The following ADAMTSL3 variants were observed in gnomAD, a reference collection of about 807,000 sequenced individuals.
The protein encoded by ADAMTSL3 is ADAMTS like 3, also known as ADAMTS-like protein 3.
Under a neutral mutation model 201.7 loss-of-function variants are expected in ADAMTSL3, and 128 were observed. The observed-to-expected ratio is 0.63, with a 90% CI of 0.55 to 0.73. The LOEUF (loss-of-function observed/expected upper bound fraction) is 0.73, where lower values mean the gene tolerates loss of function less well. Ranked by LOEUF, ADAMTSL3 falls within the 30% of genes least tolerant of loss-of-function variation. The pLI is 0.00. For synonymous variants in ADAMTSL3, 738 were observed against 748.4 expected, an observed-to-expected ratio of 0.99 and a Z score of 0.23; for missense variants, 1,990 against 2,119.6, an observed-to-expected ratio of 0.94 and a Z score of 1.20.
chr15:83,795,845 G>A (rs755746775), intron 4 of ADAMTSL3, among the ~76,000 whole-genome samples: 6 of 152,062 alleles, frequency 3.9e-5, no homozygotes, highest in Non-Finnish European at 2.9e-5. Flanking sequence ...GCCACCAACC[G>A]GCTGCATAGG....
intron 19 of ADAMTSL3, among the ~76,000 whole-genome samples, chr15:83,943,965 G>T (rs186182994): frequency 1.5e-4 from 23 of 151,164 alleles, no homozygotes; most frequent in Admixed American, 2.6e-4. Flanking sequence ...TATATCCTAT[G>T]TTTTTTTTTA....
rs1378467858 is a variant in ADAMTSL3, at chr15:83,897,765, T to G, written c.1468-93T>G. Reference sequence around the variant, plus strand: ...AAAAGTCTTTTGTGTTTAACATTTATGTAGTTCAATGGCTCTCCTTTGCAT... The same window carrying G: ...AAAAGTCTTTTGTGTTTAACATTTAGGTAGTTCAATGGCTCTCCTTTGCAT... On this transcript the variant is annotated intron_variant, in intron 13 of 29. Coordinates refer to ENST00000286744, the MANE Select transcript of ADAMTSL3 (RefSeq NM_207517.3). The G allele has an allele frequency of 7.3e-6, 10 of 1,376,518 alleles. No individual in the cohort carries two copies. In the African/African-American group the frequency reaches 1.4e-4, roughly 20 times the overall value. 85.3% of individuals were successfully genotyped at this position (1,376,518 alleles called of 1,614,324 possible). A position where few individuals can be genotyped will look rare whatever the true frequency, so the allele number is the denominator to read the frequency against.
At chr15:84,014,828 G>T in intron 24 of ADAMTSL3, 104 bp downstream of exon 24, 1 of 1,210,270 alleles carries the variant, frequency 8.3e-7, no homozygotes, top group African/African-American at 1.6e-5. Flanking sequence ...ATGGACATCA[G>T]ATGGTTTTAA....
At chr15:83,897,279 T>A (rs1240633597) in intron 13 of ADAMTSL3, among the ~76,000 whole-genome samples, 1 of 151,368 alleles carries the variant, frequency 6.6e-6, no homozygotes, top group Non-Finnish European at 1.5e-5. Flanking sequence ...TAGCATAATG[T>A]TTTTATTAAC....
At position 83,810,180 on chromosome 15, in the gene ADAMTSL3, G is replaced by A. The variant is rs1439403764; in HGVS notation, c.363+5485G>A. 2.0e-5 allele frequency among the ~76,000 whole-genome samples: 3 copies of A among 152,256 alleles called. No homozygotes were observed. The South Asian group carries it at 6.2e-4, about 32-fold the overall frequency. Reference sequence around the variant, plus strand: ...AGAAGTAACCAGATTTTTATCAACCGAGTCCTCAGAGGGATTTTGGAGCAC... The same window carrying A: ...AGAAGTAACCAGATTTTTATCAACCAAGTCCTCAGAGGGATTTTGGAGCAC... On this transcript the variant is annotated intron_variant, in intron 5 of 29. Transcript: ENST00000286744.
chr15:83,873,634 C>T (rs2065122733), intron 9 of ADAMTSL3, among the ~76,000 whole-genome samples: 1 of 145,460 alleles, frequency 6.9e-6, no homozygotes, highest in South Asian at 2.1e-4. Context: ...CTGCCTCAGC[C>T]TCCTAAAGAG....
intron 2 of ADAMTSL3, among the ~76,000 whole-genome samples, chr15:83,691,114 C>G (rs1298899484): frequency 6.6e-6 from 1 of 152,160 alleles, no homozygotes; most frequent in Non-Finnish European, 1.5e-5. Flanking sequence ...TCCTGCGCCT[C>G]CTTTTGATTT....
intron 2 of ADAMTSL3, among the ~76,000 whole-genome samples, chr15:83,661,251 A>C (rs1487499822): frequency 4.6e-5 from 7 of 152,098 alleles, no homozygotes; most frequent in South Asian, 2.1e-4. Context: ...CTTAGGATTG[A>C]CTTGGCGATG....
chr15:83,713,511 A>T lies in ADAMTSL3; in HGVS notation c.189+9003A>T, dbSNP rs568695453. Among the ~76,000 whole-genome samples the T allele has an allele frequency of 2.6e-5, 4 of 152,238 alleles. No individual in the cohort carries two copies. In the South Asian group the frequency reaches 8.3e-4, roughly 32 times the overall value. Reference sequence around the variant, plus strand: ...ATGGCAGGTGGAGGACTGGATGGGAACATCTTTTTTTTTTCTCTTATTACA... The same window carrying T: ...ATGGCAGGTGGAGGACTGGATGGGATCATCTTTTTTTTTTCTCTTATTACA... On this transcript the variant is annotated intron_variant, in intron 3 of 29. Coordinates refer to ENST00000286744, the MANE Select transcript of ADAMTSL3 (RefSeq NM_207517.3).
At chr15:84,034,634 G>C (rs2068471348) in intron 28 of ADAMTSL3, among the ~76,000 whole-genome samples, 1 of 152,132 alleles carries the variant, frequency 6.6e-6, no homozygotes, top group Non-Finnish European at 1.5e-5. Flanking sequence ...AAAGATGCTT[G>C]GGCCTCACCT....
In ADAMTSL3 at chr15:83,823,928, CT is replaced by C. The variant is rs1567169554; in HGVS notation, c.600+3883del. Reference sequence around the variant, plus strand: ...TCTTCTTCTTCTTCTTCTTCTTCTTCTTCTTCTTCTTCTTCTTCTTCTTCTT... The same window carrying C: ...TCTTCTTCTTCTTCTTCTTCTTCTTCTCTTCTTCTTCTTCTTCTTCTTCTT... On this transcript the variant is annotated intron_variant, in intron 6 of 29. Coordinates refer to ENST00000286744, the MANE Select transcript of ADAMTSL3 (RefSeq NM_207517.3). 1.3e-3 allele frequency among the ~76,000 whole-genome samples: 173 copies of C among 129,128 alleles called. 2 individuals are homozygous for C. Among genetic ancestry groups the C allele is most frequent in the African/African-American group, 5.0e-3 (162 of 32,390 alleles). 84.7% of individuals were successfully genotyped at this position (129,128 alleles called of 152,430 possible).
Position 83,812,573 on chromosome 15 carries a change from C to G in ADAMTSL3, c.364-7238C>G, listed in dbSNP as rs114915311. ...GTCATCATCAATGGCCAAACTCAGT[C>G]TCTATCAGAGTAGTCTGCTGTATGG... On this transcript the variant is annotated intron_variant, in intron 5 of 29. Coordinates refer to ENST00000286744, the MANE Select transcript of ADAMTSL3 (RefSeq NM_207517.3). Among the ~76,000 whole-genome samples, 732 of 152,290 alleles carry G rather than the reference C, an allele frequency of 4.8e-3. 4 individuals carry two copies. The highest frequency in any genetic ancestry group is 0.017 in the African/African-American group (694 of 41,538).
chr15:83,697,634 A>G (rs2061703530), intron 2 of ADAMTSL3, among the ~76,000 whole-genome samples: 1 of 152,218 alleles, frequency 6.6e-6, no homozygotes, highest in Non-Finnish European at 1.5e-5. Flanking sequence ...CCAGATGAAG[A>G]GATACGTAGG....
At position 83,723,226 on chromosome 15, in the gene ADAMTSL3, T is replaced by C. The variant is rs1596090496; in HGVS notation, c.189+18718T>C. On this transcript the variant is annotated intron_variant, in intron 3 of 29. Coordinates refer to ENST00000286744, the MANE Select transcript of ADAMTSL3 (RefSeq NM_207517.3). ...AACTTTATTTCTAATCAATAAAATA[T>C]AAACCCAAGCAATGACTAAAAAGCA... Among the ~76,000 whole-genome samples, 3 of 152,100 alleles carry C rather than the reference T, an allele frequency of 2.0e-5. No homozygotes were observed. In the South Asian group the frequency reaches 6.2e-4, roughly 32 times the overall value.
At chr15:83,741,721 G>A (rs929488816) in intron 3 of ADAMTSL3, among the ~76,000 whole-genome samples, 2 of 152,330 alleles carry the variant, frequency 1.3e-5, no homozygotes, top group Non-Finnish European at 2.9e-5. Flanking sequence ...ATTTGGCTGG[G>A]TATGGTGGCT....
intron 7 of ADAMTSL3, among the ~76,000 whole-genome samples, chr15:83,856,283 C>T (rs2064730954): frequency 1.3e-5 from 2 of 150,778 alleles, no homozygotes; most frequent in Non-Finnish European, 3.0e-5. Flanking sequence ...TCCTCCCACC[C>T]CAGACTCCCA....
In ADAMTSL3 at chr15:83,948,685, A is replaced by C. The variant is rs2066703067; in HGVS notation, c.2490+5603A>C. Among the ~76,000 whole-genome samples the C allele has an allele frequency of 2.6e-5, 4 of 152,260 alleles. No homozygotes were observed. The South Asian group carries it at 8.3e-4, about 32-fold the overall frequency. On this transcript the variant is annotated intron_variant, in intron 19 of 29. Transcript: ENST00000286744. The stretch of plus-strand genomic sequence containing the variant: ...TACAGATTTAATTTGGTCTTGATCG[A>C]AGGTTGTTGATCTAAATGCATTAAC...
intron 3 of ADAMTSL3, among the ~76,000 whole-genome samples, chr15:83,764,854 G>A (rs1463363590): frequency 6.6e-6 from 1 of 152,296 alleles, no homozygotes; most frequent in Admixed American, 6.5e-5. Flanking sequence ...CAGCATATGG[G>A]ATATGTGGTG....
At chr15:83,716,906 C>T (rs1282227583) in intron 3 of ADAMTSL3, among the ~76,000 whole-genome samples, 5 of 152,094 alleles carry the variant, frequency 3.3e-5, no homozygotes, top group Admixed American at 3.3e-4. Context: ...ATTTACATTT[C>T]AAAATGATTG....
Sources: allele counts gnomAD v4.1 joint callset (sites outside exome capture counted in the v4.1 genomes callset), GRCh38; gene constraint gnomAD v4.1.1; transcripts MANE v1.5; gene names NCBI Gene and HGNC (gene_info 2026-07-23, HGNC 2026-07-21).